Variants in CA5A observed in about 807,000 individuals in gnomAD.
The protein encoded by CA5A is carbonic anhydrase 5A, mitochondrial.
In CA5A, 28 loss-of-function variants were observed where a neutral mutation model predicts 37.1. The observed-to-expected ratio is 0.75, with a 90% CI of 0.56 to 1.03. The LOEUF (loss-of-function observed/expected upper bound fraction) is 1.03, where lower values mean the gene tolerates loss of function less well. CA5A is among the 50% of genes least tolerant of loss of function. CA5A has a pLI of 0.00. For missense variants in CA5A, 444 were observed against 399.9 expected (o/e 1.11, Z -0.94); for synonymous variants, 171 against 158.4 (o/e 1.08, Z -0.60).
intron 5 of CA5A, among the ~76,000 whole-genome samples, chr16:87,897,821 C>T (rs1048858843): frequency 6.6e-6 from 1 of 152,164 alleles, no homozygotes; most frequent in African/African-American, 2.4e-5. Flanking sequence ...GAATCACAGG[C>T]CCTGCCCCGT....
intron 2 of CA5A, among the ~76,000 whole-genome samples, chr16:87,915,273 C>A (rs570662876): frequency 6.6e-6 from 1 of 152,330 alleles, no homozygotes; most frequent in Non-Finnish European, 1.5e-5. Flanking sequence ...ATTTCTATCA[C>A]TGACTGCTTT....
intron 5 of CA5A, chr16:87,893,319 G>C (rs1271540695): frequency 2.8e-6 from 1 of 355,110 alleles, no homozygotes; most frequent in African/African-American, 2.1e-5. Flanking sequence ...AGTAGAGACG[G>C]GGTTTCACCA....
chr16:87,898,150 G>C (rs1322229368), intron 5 of CA5A, among the ~76,000 whole-genome samples: 1 of 152,208 alleles, frequency 6.6e-6, no homozygotes, highest in Non-Finnish European at 1.5e-5. Context: ...TCCCACAGCA[G>C]GGCCCGGACC....
chr16:87,895,314 G>A (rs1567516420), intron 5 of CA5A, among the ~76,000 whole-genome samples: 1 of 152,158 alleles, frequency 6.6e-6, no homozygotes, highest in Non-Finnish European at 1.5e-5. Context: ...GGGAGGCCGA[G>A]GCGGATGGAT....
At position 87,918,382 on chromosome 16, in the gene CA5A, C is replaced by T. The variant is rs543619466; in HGVS notation, c.340+8366G>A. Among the ~76,000 whole-genome samples, 4 of 149,894 alleles carry T rather than the reference C, an allele frequency of 2.7e-5. No homozygotes were observed. In the South Asian group the frequency reaches 9.0e-4, roughly 34 times the overall value. ...GACTGGCACCTCTCCTCTCCCCCTT[C>T]CCTCCTCCCCCCGCTTTGCTCCCCC... On this transcript the variant is annotated intron_variant, in intron 2 of 6. Coordinates refer to ENST00000649794, the MANE Select transcript of CA5A (RefSeq NM_001739.2).
chr16:87,921,246 T>G (rs6540110), intron 2 of CA5A, among the ~76,000 whole-genome samples: 109,418 of 152,164 alleles, frequency 0.72, 40,013 homozygotes, highest in African/African-American at 0.83. Flanking sequence ...TTGTCTGCTT[T>G]TATCAGGACT....
At chr16:87,909,595 G>C (rs2056021232) in intron 2 of CA5A, among the ~76,000 whole-genome samples, 1 of 152,216 alleles carries the variant, frequency 6.6e-6, no homozygotes, top group South Asian at 2.1e-4. Context: ...CGCATTTCAG[G>C]AAGACACAGA....
intron 5 of CA5A, 134 bp downstream of exon 5, chr16:87,901,778 G>T: frequency 1.7e-6 from 1 of 601,312 alleles, no homozygotes; most frequent in East Asian, 3.7e-5. Flanking sequence ...GTGGAGACGG[G>T]GTTTCTCCAT....
chr16:87,892,556 A>AATAATAAT (rs1303452843), intron 5 of CA5A, among the ~76,000 whole-genome samples: 68 of 136,798 alleles, frequency 5.0e-4, no homozygotes, highest in East Asian at 1.2e-3. Context: ...TAATAATAAT[A>AATAATAAT]AATTAATTAA....
At chr16:87,917,106 A>C (rs1244065683) in intron 2 of CA5A, among the ~76,000 whole-genome samples, 1 of 79,656 alleles carries the variant, frequency 1.3e-5, no homozygotes, top group Non-Finnish European at 2.4e-5. Context: ...GTCTGTCTCA[A>C]AAAAAAAAAA....
At chr16:87,892,596 T>G in intron 5 of CA5A, among the ~76,000 whole-genome samples, 1 of 149,478 alleles carries the variant, frequency 6.7e-6, no homozygotes, top group Admixed American at 6.7e-5. Context: ...GCCATTTCTT[T>G]TAGCATACCT....
Position 87,902,472 on chromosome 16 carries a change from C to A in CA5A, c.508G>T (p.Ala170Ser), listed in dbSNP as rs2055892914. 6.2e-7 allele frequency: 1 copy of A among 1,612,668 alleles called. No individual in the cohort carries two copies. The highest frequency in any genetic ancestry group is 1.7e-5 in the Admixed American group (1 of 60,006). ...NSVKYQNYKE[A>S]VVGENGLAVI... ...GCCAAACCATTCTCTCCCACGACAGCTTCCTTGTAATTTTGGTATTTCACA... is the reference window on the plus strand; with the variant it reads ...GCCAAACCATTCTCTCCCACGACAGATTCCTTGTAATTTTGGTATTTCACA... The change falls in exon 4 of 7, where the codon GCT becomes TCT. Residue 170 changes from alanine (A) to serine (S), a missense_variant. By Grantham distance (99) the Ala-to-Ser change is moderately conservative (BLOSUM62 1). Coordinates refer to ENST00000649794, the MANE Select transcript of CA5A (RefSeq NM_001739.2).
chr16:87,897,882 C>T (rs1335757205), intron 5 of CA5A, among the ~76,000 whole-genome samples: 1 of 152,222 alleles, frequency 6.6e-6, no homozygotes, highest in South Asian at 2.1e-4. Context: ...GCTGTCGCTT[C>T]TTTGAACCCC....
chr16:87,901,575 T>C (rs529412195), intron 5 of CA5A, among the ~76,000 whole-genome samples: 1 of 142,690 alleles, frequency 7.0e-6, no homozygotes, highest in South Asian at 2.3e-4. Context: ...ATTATACTGA[T>C]TTCTTTCTTT....
intron 1 of CA5A, among the ~76,000 whole-genome samples, chr16:87,929,684 A>G (rs377324052): frequency 6.6e-6 from 1 of 151,558 alleles, no homozygotes; most frequent in Non-Finnish European, 1.5e-5. Flanking sequence ...CATCCTGGCT[A>G]ACACCGTGAA....
chr16:87,934,554 A>T (rs1226234748), intron 1 of CA5A, among the ~76,000 whole-genome samples: 1 of 152,046 alleles, frequency 6.6e-6, no homozygotes, highest in Non-Finnish European at 1.5e-5. Context: ...GGGCAACAAG[A>T]CAGAAATTAG....
chr16:87,901,503 C>A (rs952183988), intron 5 of CA5A, among the ~76,000 whole-genome samples: 2 of 152,218 alleles, frequency 1.3e-5, no homozygotes, highest in African/African-American at 2.4e-5. Flanking sequence ...GGGGCTCTTT[C>A]CACTACGCCA....
chr16:87,891,383 G>T (rs574517260), intron 6 of CA5A, among the ~76,000 whole-genome samples: 1 of 151,358 alleles, frequency 6.6e-6, no homozygotes, highest in Admixed American at 6.6e-5. Context: ...CAGGAGAATC[G>T]CTTGAACCCA....
At chr16:87,890,314 G>C (rs1412301740) in intron 6 of CA5A, among the ~76,000 whole-genome samples, 6 of 152,036 alleles carry the variant, frequency 3.9e-5, no homozygotes, top group Non-Finnish European at 8.8e-5. Context: ...ATATATGCTT[G>C]TTGAGTGGCA....
Sources: gnomAD v4.1 joint callset for allele counts (sites outside exome capture counted in the v4.1 genomes callset) on GRCh38, gnomAD v4.1.1 for gene constraint, MANE v1.5 for transcripts, NCBI Gene and HGNC (gene_info 2026-07-23, HGNC 2026-07-21) for gene names.